Variants in DTHD1 observed in about 807,000 individuals in gnomAD.
DTHD1 encodes death domain containing 1, also known as death domain-containing protein 1.
DTHD1 carries 59 observed loss-of-function variants against 74.8 expected under a neutral mutation model. That is an observed-to-expected ratio of 0.79 (90% confidence interval 0.64 to 0.98). The LOEUF (loss-of-function observed/expected upper bound fraction) is 0.98. Ranked by LOEUF, DTHD1 falls within the 50% of genes least tolerant of loss-of-function variation. The probability of loss-of-function intolerance (pLI) is 0.00; values close to 1 mark genes in which losing one functional copy is unlikely to be tolerated. For missense variants in DTHD1, 1,051 were observed against 1,065.4 expected, an observed-to-expected ratio of 0.99 and a Z score of 0.19; for synonymous variants, 365 against 371.1, an observed-to-expected ratio of 0.98 and a Z score of 0.19.
chr4:36,298,614 A>C (rs906302792), intron 5 of DTHD1, among the ~76,000 whole-genome samples: 1 of 152,192 alleles, frequency 6.6e-6, no homozygotes, highest in African/African-American at 2.4e-5. Context: ...TGTAATGAAA[A>C]AGATAAAAAC....
In DTHD1 at chr4:36,284,507, G is replaced by A; in HGVS notation, c.803G>A (p.Cys268Tyr). 2 of 1,536,516 alleles carry A rather than the reference G, an allele frequency of 1.3e-6. No individual in the cohort carries two copies. Among genetic ancestry groups the A allele is most frequent in the South Asian group, 1.2e-5 (1 of 83,954 alleles). The change falls in exon 2 of 10, where the codon TGT becomes TAT. Residue 268 changes from cysteine to tyrosine, a missense_variant. Cys to Tyr is a radical substitution (Grantham distance 194, BLOSUM62 -2). Coordinates refer to ENST00000639862, the MANE Select transcript of DTHD1 (RefSeq NM_001170700.3). ...REEMTTSSIICDISKKYINST... is the reference protein window; with the variant it reads ...REEMTTSSIIYDISKKYINST... Reference sequence around the variant, plus strand: ...GAGATGACCACATCCTCAATAATATGTGATATCTCCAAGAAATATATAAAT... The same window carrying A: ...GAGATGACCACATCCTCAATAATATATGATATCTCCAAGAAATATATAAAT...
chr4:36,339,585 A>G (rs1469377262), intron 9 of DTHD1, among the ~76,000 whole-genome samples: 1 of 152,212 alleles, frequency 6.6e-6, no homozygotes, highest in East Asian at 1.9e-4. Context: ...AAACCATAAG[A>G]AACATTTAAT....
intron 5 of DTHD1, among the ~76,000 whole-genome samples, chr4:36,305,017 T>G (rs1186511552): frequency 6.6e-6 from 1 of 152,100 alleles, no homozygotes; most frequent in African/African-American, 2.4e-5. Context: ...ACATGAGCTG[T>G]GGTTGGGGAA....
intron 2 of DTHD1, among the ~76,000 whole-genome samples, chr4:36,288,638 G>A (rs531914497): frequency 6.6e-6 from 1 of 152,162 alleles, no homozygotes; most frequent in South Asian, 2.1e-4. Context: ...TTTATTTCAG[G>A]GTCCTCTTTT....
At chr4:36,306,419 A>C in intron 6 of DTHD1, 67 bp downstream of exon 6, 1 of 1,398,982 alleles carries the variant, frequency 7.1e-7, no homozygotes, top group South Asian at 1.6e-5. Flanking sequence ...GTGTTTATAG[A>C]AATGGAATAG....
chr4:36,286,597 A>T (rs1226000489), intron 2 of DTHD1, among the ~76,000 whole-genome samples: 1 of 152,224 alleles, frequency 6.6e-6, no homozygotes, highest in Non-Finnish European at 1.5e-5. Flanking sequence ...GATTACAGTC[A>T]TCGGTTACTT....
chr4:36,299,968 TA>T (rs1214346724), intron 5 of DTHD1, among the ~76,000 whole-genome samples: 2 of 151,332 alleles, frequency 1.3e-5, no homozygotes, highest in Non-Finnish European at 3.0e-5. Flanking sequence ...AGACCCTGTC[TA>T]AAAAAAAAGT....
intron 5 of DTHD1, among the ~76,000 whole-genome samples, chr4:36,304,220 T>A (rs887730034): frequency 6.6e-6 from 1 of 152,166 alleles, no homozygotes; most frequent in Non-Finnish European, 1.5e-5. Flanking sequence ...CAGAAAAAAA[T>A]TACATTGAAG....
At chr4:36,304,153 T>C (rs1047927158) in intron 5 of DTHD1, among the ~76,000 whole-genome samples, 1 of 152,198 alleles carries the variant, frequency 6.6e-6, no homozygotes, top group African/African-American at 2.4e-5. Context: ...CTTGGGAGCC[T>C]GTTGGTCTCC....
In DTHD1 at chr4:36,300,282, A is replaced by G. The variant is rs529604098; in HGVS notation, c.1643+5243A>G. ...CTCTGCTGAGAACCATCTGCTACTT[A>G]CCTGGGGCTACATTAGCCTTCTTGA... On this transcript the variant is annotated intron_variant, in intron 5 of 9. Transcript: ENST00000639862. Among the ~76,000 whole-genome samples the G allele has an allele frequency of 4.5e-4, 68 of 152,262 alleles. No individual in the cohort carries two copies. The South Asian group carries it at 5.0e-3, about 11-fold the overall frequency.
chr4:36,324,061 G>A (rs1162761116), intron 8 of DTHD1, among the ~76,000 whole-genome samples: 1 of 152,178 alleles, frequency 6.6e-6, no homozygotes, highest in East Asian at 1.9e-4. Context: ...GGTTTAGTCA[G>A]AAACAGGATC....
intron 8 of DTHD1, among the ~76,000 whole-genome samples, chr4:36,317,590 A>G (rs1757806098): frequency 1.3e-5 from 2 of 152,216 alleles, no homozygotes; most frequent in Non-Finnish European, 1.5e-5. Context: ...AACATCTTAA[A>G]TAGTTACTAT....
intron 2 of DTHD1, among the ~76,000 whole-genome samples, chr4:36,289,665 T>C (rs1755936735): frequency 6.6e-6 from 1 of 152,142 alleles, no homozygotes; most frequent in Non-Finnish European, 1.5e-5. Flanking sequence ...TAATTATTAA[T>C]GTGTAAGGTC....
intron 8 of DTHD1, among the ~76,000 whole-genome samples, chr4:36,325,162 A>C (rs1472661383): frequency 4.6e-5 from 7 of 152,204 alleles, no homozygotes; most frequent in Non-Finnish European, 8.8e-5. Flanking sequence ...ATGACTCTGT[A>C]GTTGTGGTAG....
intron 8 of DTHD1, among the ~76,000 whole-genome samples, chr4:36,323,332 C>G (rs1311187880): frequency 6.6e-6 from 1 of 152,184 alleles, no homozygotes. Flanking sequence ...TCGCCACTTT[C>G]ACCACTTTGG....
chr4:36,336,459 C>T (rs746693794), intron 8 of DTHD1, among the ~76,000 whole-genome samples: 11 of 152,104 alleles, frequency 7.2e-5, no homozygotes, highest in Non-Finnish European at 1.5e-4. Flanking sequence ...ACATTTTGGG[C>T]AGAGTGAAGG....
intron 7 of DTHD1, among the ~76,000 whole-genome samples, chr4:36,314,314 GA>G (rs1333634499): frequency 6.6e-6 from 1 of 152,054 alleles, no homozygotes; most frequent in African/African-American, 2.4e-5. Context: ...CCATGAGGGA[GA>G]ACTCTGGGCA....
intron 8 of DTHD1, among the ~76,000 whole-genome samples, chr4:36,336,877 G>A (rs2109571340): frequency 6.6e-6 from 1 of 152,348 alleles, no homozygotes. Context: ...TTGGAAAACT[G>A]TGGAATAGAA....
chr4:36,335,234 T>G (rs1758942238), intron 8 of DTHD1, among the ~76,000 whole-genome samples: 1 of 148,664 alleles, frequency 6.7e-6, no homozygotes, highest in Non-Finnish European at 1.5e-5. Context: ...TTTGTTAAGT[T>G]TTTTGAGGGG....
Sources: allele counts gnomAD v4.1 joint callset (sites outside exome capture counted in the v4.1 genomes callset), GRCh38; gene constraint gnomAD v4.1.1; transcripts MANE v1.5; gene names NCBI Gene and HGNC (gene_info 2026-07-23, HGNC 2026-07-21).